Variants in CNTNAP2 observed in about 807,000 individuals in gnomAD.
CNTNAP2 encodes contactin-associated protein-like 2.
CNTNAP2 carries 98 observed loss-of-function variants against 155.2 expected under a neutral mutation model. That is an observed-to-expected ratio of 0.63 (90% CI 0.54 to 0.75). The LOEUF (loss-of-function observed/expected upper bound fraction) is 0.75. CNTNAP2 is among the 30% of genes least tolerant of loss of function. The pLI is 0.00. For synonymous variants in CNTNAP2, 651 were observed against 631.2 expected (o/e 1.03, Z -0.47); for missense variants, 1,727 against 1,688.1 (o/e 1.02, Z -0.40).
At chr7:148,240,649 G>A (rs1796128447) in intron 20 of CNTNAP2, among the ~76,000 whole-genome samples, 1 of 152,136 alleles carries the variant, frequency 6.6e-6, no homozygotes, top group African/African-American at 2.4e-5. Flanking sequence ...AAAGGGGAGT[G>A]TATTAAGGAA....
intron 1 of CNTNAP2, among the ~76,000 whole-genome samples, chr7:146,233,972 A>T (rs371893535): frequency 6.6e-6 from 1 of 150,742 alleles, no homozygotes; most frequent in East Asian, 2.0e-4. Context: ...GTCCTTTGGG[A>T]ATATACCCAG....
intron 9 of CNTNAP2, among the ~76,000 whole-genome samples, chr7:147,305,266 A>G (rs148982263): frequency 1.6e-3 from 250 of 152,316 alleles, no homozygotes; most frequent in African/African-American, 5.4e-3. Flanking sequence ...AGCTAACCAG[A>G]TAGGTATGTA....
intron 3 of CNTNAP2, among the ~76,000 whole-genome samples, chr7:146,944,770 C>T (rs1274035663): frequency 6.6e-6 from 1 of 151,608 alleles, no homozygotes; most frequent in African/African-American, 2.4e-5. Flanking sequence ...CCCAGCTACT[C>T]GGGAGGCTGA....
intron 15 of CNTNAP2, among the ~76,000 whole-genome samples, chr7:148,099,761 C>T (rs1804055728): frequency 6.6e-6 from 1 of 151,424 alleles, no homozygotes; most frequent in Admixed American, 6.6e-5. Context: ...ACACAGCACT[C>T]TTGAATTCTT....
chr7:146,627,361 T>C (rs1021216904), intron 1 of CNTNAP2, among the ~76,000 whole-genome samples: 1 of 152,204 alleles, frequency 6.6e-6, no homozygotes, highest in Non-Finnish European at 1.5e-5. Flanking sequence ...GTATGCATTA[T>C]GTATGAAAAT....
chr7:147,535,695 C>CT (rs775786597), intron 11 of CNTNAP2, among the ~76,000 whole-genome samples: 19 of 152,110 alleles, frequency 1.2e-4, no homozygotes, highest in South Asian at 2.1e-4. Context: ...CTGTGTAGGA[C>CT]TTTCTCCCCA....
At chr7:146,211,754 G>A (rs10237336) in intron 1 of CNTNAP2, among the ~76,000 whole-genome samples, 44,293 of 151,864 alleles carry the variant, frequency 0.29, 7,335 homozygotes, top group African/African-American at 0.45. Flanking sequence ...AGAGACAGCA[G>A]ACCTAGAATT....
At chr7:147,616,286 G>A (rs902297401) in intron 12 of CNTNAP2, among the ~76,000 whole-genome samples, 11 of 151,966 alleles carry the variant, frequency 7.2e-5, no homozygotes, top group African/African-American at 2.4e-4. Context: ...TTCCACTCTT[G>A]CCCTGCTACT....
In CNTNAP2 at chr7:146,804,024, G is replaced by T. The variant is rs769571738; in HGVS notation, c.208+29643G>T. Among the ~76,000 whole-genome samples, 11 of 152,170 alleles carry T rather than the reference G, an allele frequency of 7.2e-5. No individual in the cohort carries two copies. In the South Asian group the frequency reaches 2.1e-3, roughly 29 times the overall value. On this transcript the variant is annotated intron_variant, in intron 2 of 23. Coordinates refer to ENST00000361727, the MANE Select transcript of CNTNAP2 (RefSeq NM_014141.6). ...TTTACAGATAAAAATTCTACCTTTG[G>T]ACTTCAGCATTGTTCAGTTTTCCCC... is the stretch of plus-strand genomic sequence containing the variant.
Position 147,608,311 on chromosome 7 carries a change from A to G in CNTNAP2, c.1898-30795A>G, listed in dbSNP as rs536048165. On this transcript the variant is annotated intron_variant, in intron 12 of 23. Transcript: ENST00000361727. ...CTTTGCAGTTTAGTATCTTATAAAT[A>G]TTGTAAGTAAAGGTCAAATTCCACA... Among the ~76,000 whole-genome samples the G allele has an allele frequency of 1.6e-3, 245 of 151,994 alleles. 2 individuals are homozygous for G. Among genetic ancestry groups the G allele is most frequent in the African/African-American group, 5.8e-3 (242 of 41,454 alleles).
chr7:147,239,841 G>A (rs1803898981), intron 8 of CNTNAP2, among the ~76,000 whole-genome samples: 1 of 152,112 alleles, frequency 6.6e-6, no homozygotes, highest in African/African-American at 2.4e-5. Context: ...ACAATACTGA[G>A]TCAAGTGGCG....
At chr7:147,979,985 T>C (rs1350800335) in intron 15 of CNTNAP2, among the ~76,000 whole-genome samples, 1 of 152,210 alleles carries the variant, frequency 6.6e-6, no homozygotes, top group Non-Finnish European at 1.5e-5. Flanking sequence ...TAGTAGATGC[T>C]GCAGTATATG....
intron 1 of CNTNAP2, among the ~76,000 whole-genome samples, chr7:146,329,910 A>AC (rs1239103768): frequency 2.0e-5 from 3 of 149,588 alleles, no homozygotes; most frequent in Non-Finnish European, 4.4e-5. Context: ...CAAATTTTAT[A>AC]CCCCCATAAT....
chr7:146,643,336 A>G (rs1799747109), intron 1 of CNTNAP2, among the ~76,000 whole-genome samples: 1 of 151,902 alleles, frequency 6.6e-6, no homozygotes, highest in Non-Finnish European at 1.5e-5. Flanking sequence ...TAATTTTTGT[A>G]TAAGGTGTAA....
intron 4 of CNTNAP2, among the ~76,000 whole-genome samples, chr7:147,102,784 A>C (rs1292743679): frequency 6.6e-6 from 1 of 152,216 alleles, no homozygotes; most frequent in Non-Finnish European, 1.5e-5. Flanking sequence ...ACATTGAAAA[A>C]AAGAAAGGCA....
intron 12 of CNTNAP2, among the ~76,000 whole-genome samples, chr7:147,573,485 C>T (rs1800332232): frequency 6.6e-6 from 1 of 152,142 alleles, no homozygotes; most frequent in Non-Finnish European, 1.5e-5. Flanking sequence ...CCTTCTGTTT[C>T]TAAGCTCACT....
At chr7:147,105,772 G>A (rs10250869) in intron 4 of CNTNAP2, among the ~76,000 whole-genome samples, 2,295 of 152,094 alleles carry the variant, frequency 0.015, 53 homozygotes, top group South Asian at 0.087. Flanking sequence ...GGATAGATAG[G>A]TGGGAAAATA....
chr7:147,447,581 T>C (rs888127486), intron 10 of CNTNAP2, among the ~76,000 whole-genome samples: 3 of 152,066 alleles, frequency 2.0e-5, no homozygotes, highest in African/African-American at 7.2e-5. Flanking sequence ...CAAGCCCAGC[T>C]AATTTTTTCT....
At chr7:147,162,030 A>G (rs1802036556) in intron 8 of CNTNAP2, 1 of 152,158 alleles carries the variant, frequency 6.6e-6, no homozygotes, top group African/African-American at 2.4e-5. Flanking sequence ...TCTTAAACAG[A>G]TCAACAACAA....
Sources: allele counts gnomAD v4.1 joint callset (sites outside exome capture counted in the v4.1 genomes callset), GRCh38; gene constraint gnomAD v4.1.1; transcripts MANE v1.5; gene names NCBI Gene and HGNC (gene_info 2026-07-23, HGNC 2026-07-21).